SETD2: variants seen among roughly 807,000 people sequenced by gnomAD.
SETD2 encodes SET domain containing 2, histone lysine methyltransferase.
In SETD2, 31 loss-of-function variants were observed where a neutral mutation model predicts 242.1. The ratio of observed to expected loss-of-function variants is 0.13; its 90% CI spans 0.10 to 0.17. SETD2 has a LOEUF of 0.17. Among genes scored for constraint, SETD2 ranks in the 10% least tolerant of loss-of-function variants. The pLI is 1.00. For missense variants in SETD2, 2,481 were observed against 3,046.3 expected (o/e 0.81, Z 4.37); for synonymous variants, 1,006 against 1,066.5 (o/e 0.94, Z 1.11).
Position 47,122,995 on chromosome 3 carries a change from C to G in SETD2, c.1641G>C (p.Lys547Asn), listed in dbSNP as rs2043166127. The change falls in exon 3 of 21, where the codon AAG becomes AAC. Residue 547 changes from lysine to asparagine, a missense_variant. Coordinates refer to ENST00000409792, the MANE Select transcript of SETD2 (RefSeq NM_014159.7). ...LGFRRGSSYS[K>N]HDSSASRYKS... ...TATAACGGGAAGCACTACTGTCATG[C>G]TTAGAATATGATGACCCTCGTCGGA... The G allele has an allele frequency of 6.2e-7, 1 of 1,613,592 alleles. No homozygotes were observed.
chr3:47,090,453 G>A (rs74738958), intron 9 of SETD2, among the ~76,000 whole-genome samples: 6,430 of 151,822 alleles, frequency 0.042, 468 homozygotes, highest in African/African-American at 0.15. Flanking sequence ...GCAGTGGCGC[G>A]GATCTCAGCT....
At chr3:47,033,382 T>C (rs1473416270) in intron 18 of SETD2, among the ~76,000 whole-genome samples, 1 of 152,188 alleles carries the variant, frequency 6.6e-6, no homozygotes, top group Admixed American at 6.5e-5. Flanking sequence ...AACAGAGCTA[T>C]AAGCAACCAT....
chr3:47,066,287 G>C (rs776803594), intron 13 of SETD2, among the ~76,000 whole-genome samples: 1 of 152,124 alleles, frequency 6.6e-6, no homozygotes, highest in Non-Finnish European at 1.5e-5. Flanking sequence ...GACGCACAGG[G>C]TATCTGTATC....
chr3:47,048,941 C>T (rs1472705421), intron 15 of SETD2, among the ~76,000 whole-genome samples: 2 of 152,058 alleles, frequency 1.3e-5, no homozygotes, highest in African/African-American at 4.8e-5. Flanking sequence ...GCTGGGATTA[C>T]AGGTGTGAGC....
intron 12 of SETD2, among the ~76,000 whole-genome samples, chr3:47,074,166 T>C (rs1177800048): frequency 1.3e-5 from 2 of 152,212 alleles, no homozygotes; most frequent in African/African-American, 4.8e-5. Flanking sequence ...TATAAATTGA[T>C]ATCAAGTAAT....
Position 47,122,161 on chromosome 3 carries a change from C to A in SETD2, c.2475G>T (p.Met825Ile), listed in dbSNP as rs2106670814. The A allele has an allele frequency of 6.2e-7, 1 of 1,613,902 alleles. No individual in the cohort carries two copies. Among genetic ancestry groups the A allele is most frequent in the East Asian group, 2.2e-5 (1 of 44,878 alleles). Residue 825 changes from methionine to isoleucine, a missense_variant, in exon 3 of 21, where the codon ATG becomes ATT. Transcript: ENST00000409792. The part of the protein sequence containing the change: ...SVMKISSNSF[M>I]NVHLESKPVI... ...CTGGTTTTGATTCCAAATGCACATT[C>A]ATAAAGCTATTTGAAGAAATCTTCA...
chr3:47,164,739 G>C (rs908644877), upstream of SETD2: 1 of 152,414 alleles, frequency 6.6e-6, no homozygotes, highest in East Asian at 1.9e-4. The surrounding 1 kb of genome is among the most constrained non-coding windows in gnomAD (Gnocchi z 5.4). Context: ...GGATTGCTCG[G>C]AGGCCGAGCT....
chr3:47,123,096 G>C lies in SETD2; in HGVS notation c.1540C>G (p.Leu514Val), dbSNP rs574099059. The C allele has an allele frequency of 1.2e-6, 2 of 1,613,330 alleles. No homozygotes were observed. Among genetic ancestry groups the C allele is most frequent in the Non-Finnish European group, 1.7e-6 (2 of 1,179,568 alleles). The change falls in exon 3 of 21, where the codon CTA becomes GTA. Residue 514 changes from leucine to valine, a missense_variant. This residue lies in a region of SETD2 where 1,300 missense variants were observed against 1,259.2 expected (regional missense o/e 1.03). Transcript: ENST00000409792. ...MERRGKYSSK[L>V]ERESKRTSEN... ...GAAGTCCTTTTAGATTCTCTTTCTA[G>C]TTTTGAAGAATACTTGCCTCTTCTT...
intron 1 of SETD2, among the ~76,000 whole-genome samples, chr3:47,147,448 G>A (rs1300051061): frequency 2.0e-5 from 3 of 150,270 alleles, no homozygotes; most frequent in East Asian, 4.0e-4. Flanking sequence ...TCAGCCGCCC[G>A]ACTAGCTGGG....
chr3:47,074,277 C>G (rs1023620835), intron 12 of SETD2, among the ~76,000 whole-genome samples: 1 of 152,046 alleles, frequency 6.6e-6, no homozygotes, highest in Non-Finnish European at 1.5e-5. Context: ...GAAAGCTACA[C>G]AAGAAACTGC....
At chr3:47,153,824 A>G (rs899512623) in intron 1 of SETD2, among the ~76,000 whole-genome samples, 2 of 152,180 alleles carry the variant, frequency 1.3e-5, no homozygotes, top group Non-Finnish European at 2.9e-5. Context: ...CAAGTAACTA[A>G]TCAAAGTAAG....
At chr3:47,125,468 A>C (rs146757986) in intron 2 of SETD2, among the ~76,000 whole-genome samples, 76 of 152,316 alleles carry the variant, frequency 5.0e-4, no homozygotes, top group South Asian at 8.3e-4. Flanking sequence ...GTTTTTAAAA[A>C]AAACAAACAA....
rs1478136130 is a variant in SETD2 at position 47,088,180 on chromosome 3, C to G, written c.5210G>C (p.Ser1737Thr). The G allele has an allele frequency of 2.5e-6, 4 of 1,613,858 alleles. No homozygotes were observed. ...AATTCTAACCATTAGCCGGGATAAGCTGAGCACCTGGTTTTTATCAGAGAG... is the reference window on the plus strand; with the variant it reads ...AATTCTAACCATTAGCCGGGATAAGGTGAGCACCTGGTTTTTATCAGAGAG... ...EGLSDKNQVL[S>T]LSRLMVRIET... Residue 1737 changes from serine (S) to threonine (T), a missense_variant, in exon 10 of 21, where the codon AGC becomes ACC. Ser to Thr is a moderately conservative substitution (Grantham distance 58, BLOSUM62 1). This residue lies in a region of SETD2 where 62 missense variants were observed against 136.7 expected (regional missense o/e 0.45). Transcript: ENST00000409792.
intron 13 of SETD2, among the ~76,000 whole-genome samples, chr3:47,063,105 G>C (rs1431927486): frequency 1.3e-5 from 2 of 152,068 alleles, no homozygotes; most frequent in Non-Finnish European, 2.9e-5. Context: ...TATACAAAAA[G>C]TTGCCCCTCC....
chr3:47,101,594 ATTAGT>A (rs2042212703), intron 7 of SETD2, 39 bp from the exon 8 acceptor site: 12 of 1,028,992 alleles, frequency 1.2e-5, no homozygotes, highest in Non-Finnish European at 1.8e-5. Flanking sequence ...TTAGTAACTT[ATTAGT>A]GTGTGTGTGT....
At position 47,123,024 on chromosome 3, in the gene SETD2, C is replaced by T. The variant is rs1216856053; in HGVS notation, c.1612G>A (p.Gly538Arg). Reference protein sequence around the residue: ...KRCCSPPNELGFRRGSSYSKH... With the variant: ...KRCCSPPNELRFRRGSSYSKH... ...GAATATGATGACCCTCGTCGGAATC[C>T]CAGTTCATTAGGGGGAGAACAACAT... The change falls in exon 3 of 21, where the codon GGA (glycine) becomes AGA (arginine). Residue 538 changes from glycine (G) to arginine (R), a missense_variant. Physicochemically the swap from Gly to Arg is moderately radical, Grantham distance 125. Transcript: ENST00000409792. The T allele has an allele frequency of 5.6e-6, 9 of 1,613,984 alleles. No homozygotes were observed. The South Asian group carries it at 9.9e-5, about 18-fold the overall frequency.
At chr3:47,100,636 C>T (rs577015871) in intron 8 of SETD2, among the ~76,000 whole-genome samples, 17 of 152,212 alleles carry the variant, frequency 1.1e-4, no homozygotes, top group African/African-American at 2.9e-4. Context: ...TTTATTAATG[C>T]TTCAGTGTTA....
At chr3:47,067,249 C>A in intron 12 of SETD2, 131 bp from the exon 13 acceptor site, 2 of 707,138 alleles carry the variant, frequency 2.8e-6, no homozygotes, top group African/African-American at 1.8e-5. Context: ...TAAAATTTGA[C>A]TTATATCTGG....
chr3:47,046,626 A>G lies in SETD2; in HGVS notation c.6964-5T>C. 1 of 1,602,654 alleles carries G rather than the reference A, an allele frequency of 6.2e-7. No homozygotes were observed. The highest frequency in any genetic ancestry group is 1.1e-5 in the South Asian group (1 of 88,990). ...AAGACTTGGCTGGGCATAACTCTAAAAGATAAAATGAAGAAATCAATAATT... is the reference window on the plus strand; with the variant it reads ...AAGACTTGGCTGGGCATAACTCTAAGAGATAAAATGAAGAAATCAATAATT... On this transcript the variant is annotated splice_polypyrimidine_tract_variant and splice_region_variant and intron_variant, in intron 15 of 20. Coordinates refer to ENST00000409792, the MANE Select transcript of SETD2 (RefSeq NM_014159.7).
Sources: allele counts gnomAD v4.1 joint callset (sites outside exome capture counted in the v4.1 genomes callset), GRCh38; gene constraint gnomAD v4.1.1; regional missense constraint gnomAD v4.1.1; non-coding constraint Gnocchi (gnomAD v3.1); transcripts MANE v1.5; gene names NCBI Gene and HGNC (gene_info 2026-07-23, HGNC 2026-07-21).